The following RBFOX1 variants were observed in gnomAD, a reference collection of about 807,000 sequenced individuals.
RBFOX1 encodes the protein RNA binding fox-1 homolog 1, also known as RNA binding protein fox-1 homolog 1.
RBFOX1 carries 8 observed loss-of-function variants against 57.7 expected under a neutral mutation model. The observed-to-expected ratio is 0.14, with a 90% CI of 0.08 to 0.25. RBFOX1 has a LOEUF of 0.25. RBFOX1 is among the 10% of genes least tolerant of loss of function. The pLI is 1.00. For synonymous variants in RBFOX1, 326 were observed against 222.4 expected (o/e 1.47, Z -4.15); for missense variants, 611 against 548.5 (o/e 1.11, Z -1.14).
intron 4 of RBFOX1, among the ~76,000 whole-genome samples, chr16:5,918,188 C>G (rs377335938): frequency 3.3e-5 from 5 of 152,164 alleles, no homozygotes; most frequent in African/African-American, 1.2e-4. Flanking sequence ...GGCACAATCT[C>G]AGGTCACTGC....
At chr16:5,529,415 GAGACAGGGTCTCCC>G (rs2044372461) in intron 2 of RBFOX1, among the ~76,000 whole-genome samples, 1 of 130,352 alleles carries the variant, frequency 7.7e-6, no homozygotes. Flanking sequence ...TTTTTAATTT[GAGACAGGGTCTCCC>G]TTTGTTGCTC....
intron 5 of RBFOX1, among the ~76,000 whole-genome samples, chr16:7,550,541 G>T (rs2086042927): frequency 6.6e-6 from 1 of 151,878 alleles, no homozygotes; most frequent in African/African-American, 2.4e-5. Context: ...CACTCTACAG[G>T]GCATCTTATA....
intron 4 of RBFOX1, among the ~76,000 whole-genome samples, chr16:7,211,391 CAA>C (rs57333413): frequency 2.5e-4 from 21 of 83,922 alleles, no homozygotes; most frequent in Middle Eastern, 7.9e-3. Flanking sequence ...GACTGCCTCT[CAA>C]AAAAAAAAAA....
At chr16:6,359,050 C>A (rs1023132570) in intron 2 of RBFOX1, among the ~76,000 whole-genome samples, 21 of 152,152 alleles carry the variant, frequency 1.4e-4, no homozygotes, top group African/African-American at 4.8e-4. Flanking sequence ...TCCCTAATAA[C>A]AAATGCTCAG....
At chr16:5,867,156 G>GTGTA (rs2057361240) in intron 3 of RBFOX1, 4 of 406,430 alleles carry the variant, frequency 9.8e-6, no homozygotes, top group African/African-American at 2.1e-5. Context: ...ATGCATGTGT[G>GTGTA]TGTGTGTGTG....
At chr16:7,138,488 C>T (rs960037678) in intron 4 of RBFOX1, among the ~76,000 whole-genome samples, 1 of 152,182 alleles carries the variant, frequency 6.6e-6, no homozygotes, top group Non-Finnish European at 1.5e-5. Flanking sequence ...AGAGAATGAG[C>T]ATGCACATCT....
chr16:5,437,676 G>A (rs1006919710), intron 1 of RBFOX1, among the ~76,000 whole-genome samples: 10 of 152,278 alleles, frequency 6.6e-5, no homozygotes, highest in African/African-American at 9.6e-5. Context: ...GTGTAAATCC[G>A]TCTATGGTAA....
At chr16:5,673,526 T>G (rs2050078151) in intron 3 of RBFOX1, among the ~76,000 whole-genome samples, 1 of 152,210 alleles carries the variant, frequency 6.6e-6, no homozygotes, top group African/African-American at 2.4e-5. Context: ...GCTTGGCACC[T>G]AAAGGTTGAC....
chr16:5,888,878 C>A (rs116018571), intron 4 of RBFOX1, among the ~76,000 whole-genome samples: 332 of 151,552 alleles, frequency 2.2e-3, no homozygotes, highest in African/African-American at 7.7e-3. Flanking sequence ...TGTACACAGC[C>A]CTATCTAGAA....
Position 6,019,648 on chromosome 16 carries a change from C to T in RBFOX1, c.-471C>T, listed in dbSNP as rs924479282. ...CCCACATCTGGAGGGGACAGCCAGCCGTGGGCCCCGCCCCGGCGTCCGGAG... is the reference window on the plus strand; with the variant it reads ...CCCACATCTGGAGGGGACAGCCAGCTGTGGGCCCCGCCCCGGCGTCCGGAG... On this transcript the variant is annotated 5_prime_UTR_variant, in exon 1 of 16. Coordinates refer to ENST00000550418, the MANE Select transcript of RBFOX1 (RefSeq NM_018723.4). The surrounding 1 kb of genome is among the most constrained non-coding windows in gnomAD (Gnocchi z 4.2). 2.5e-5 allele frequency: 32 copies of T among 1,300,384 alleles called. No individual in the cohort carries two copies. The South Asian group carries it at 6.5e-4, about 26-fold the overall frequency. The allele number at this position is 1,300,384 out of a possible 1,614,324, so 80.6% of individuals were successfully genotyped here.
chr16:5,814,970 C>T (rs955938571), intron 3 of RBFOX1, among the ~76,000 whole-genome samples: 3 of 151,690 alleles, frequency 2.0e-5, no homozygotes, highest in Admixed American at 6.6e-5. Flanking sequence ...AAATTTTATT[C>T]CTGACCTATT....
chr16:6,382,464 C>G (rs2091903340), intron 2 of RBFOX1, among the ~76,000 whole-genome samples: 1 of 152,214 alleles, frequency 6.6e-6, no homozygotes. Flanking sequence ...TCATCCTGCT[C>G]CTAATGCATA....
intron 3 of RBFOX1, among the ~76,000 whole-genome samples, chr16:6,892,775 C>CCTCT (rs750285832): frequency 0.012 from 969 of 84,254 alleles, 32 homozygotes; most frequent in Middle Eastern, 0.038. Context: ...TCCCTGTCTC[C>CCTCT]CTCTCTCTCT....
rs1221687605 is a variant in RBFOX1 at position 6,525,575 on chromosome 16, T to C, written c.-63-129028T>C. Among the ~76,000 whole-genome samples, 5 of 152,182 alleles carry C rather than the reference T, an allele frequency of 3.3e-5. No homozygotes were observed. In the East Asian group the frequency reaches 9.6e-4, roughly 29 times the overall value. ...AAGAACAGAAATTTATTTTTCATTG[T>C]TCTGGAGACTGGGAATTTTCAGACT... On this transcript the variant is annotated intron_variant, in intron 2 of 15. Coordinates refer to ENST00000550418, the MANE Select transcript of RBFOX1 (RefSeq NM_018723.4).
chr16:5,833,103 T>C (rs1318433162), intron 3 of RBFOX1, among the ~76,000 whole-genome samples: 1 of 152,116 alleles, frequency 6.6e-6, no homozygotes, highest in East Asian at 1.9e-4. Flanking sequence ...AGGGTCTGGG[T>C]AAGAACCCCA....
At chr16:7,230,553 A>T (rs1169348177) in intron 4 of RBFOX1, among the ~76,000 whole-genome samples, 1 of 152,134 alleles carries the variant, frequency 6.6e-6, no homozygotes, top group Non-Finnish European at 1.5e-5. Context: ...CCAGTCAATG[A>T]AGGAAAGGAA....
intron 2 of RBFOX1, among the ~76,000 whole-genome samples, chr16:6,547,978 G>T (rs774558028): frequency 6.6e-6 from 1 of 152,198 alleles, no homozygotes; most frequent in Admixed American, 6.5e-5. Flanking sequence ...GACAATGGAT[G>T]TACACTGAAA....
intron 10 of RBFOX1, among the ~76,000 whole-genome samples, chr16:7,620,810 T>C (rs1008530706): frequency 2.6e-5 from 4 of 152,188 alleles, no homozygotes; most frequent in Admixed American, 1.3e-4. Flanking sequence ...AACTGACTTA[T>C]AGTTCAGTTT....
intron 3 of RBFOX1, among the ~76,000 whole-genome samples, chr16:5,722,833 C>G (rs1454225511): frequency 6.6e-6 from 1 of 152,180 alleles, no homozygotes; most frequent in East Asian, 1.9e-4. Context: ...TCTCCCAAGA[C>G]CAAGTATCCC....
Sources: allele counts gnomAD v4.1 joint callset (sites outside exome capture counted in the v4.1 genomes callset), GRCh38; gene constraint gnomAD v4.1.1; non-coding constraint Gnocchi (gnomAD v3.1); transcripts MANE v1.5; gene names NCBI Gene and HGNC (gene_info 2026-07-23, HGNC 2026-07-21).